SPTBN1: variants seen among roughly 807,000 people sequenced by gnomAD.
SPTBN1 encodes spectrin beta chain, non-erythrocytic 1.
In SPTBN1, 32 loss-of-function variants were observed where a neutral mutation model predicts 266.4. The ratio of observed to expected loss-of-function variants is 0.12; its 90% confidence interval spans 0.09 to 0.16. The LOEUF is 0.16. Among genes scored for constraint, SPTBN1 ranks in the 10% least tolerant of loss-of-function variants. The pLI is 1.00. For missense variants in SPTBN1, 2,296 were observed against 3,067.1 expected (o/e 0.75, Z 5.94); for synonymous variants, 1,336 against 1,162.2 (o/e 1.15, Z -3.04).
intron 2 of SPTBN1, among the ~76,000 whole-genome samples, chr2:54,577,086 G>T (rs1331978332): frequency 6.6e-6 from 1 of 152,064 alleles, no homozygotes; most frequent in African/African-American, 2.4e-5. Context: ...ATTTGTTAAT[G>T]CTTATTATTA....
Position 54,631,371 on chromosome 2 carries a change from G to C in SPTBN1, c.3324G>C (p.Lys1108Asn). Reference protein sequence around the residue: ...EKLLTQHENIKNEIDNYEEDY... With the variant: ...EKLLTQHENINNEIDNYEEDY... ...TGCTCACGCAGCACGAGAACATCAA[G>C]AACGAGATCGACAACTACGAGGAGG... The change falls in exon 16 of 36, where the codon AAG becomes AAC. Residue 1108 changes from lysine (K) to asparagine (N), a missense_variant. Lys to Asn is a moderately conservative substitution (Grantham distance 94). Around this residue, in one of 12 missense-constraint regions of SPTBN1, gnomAD observed 386 missense variants for 486.1 expected, o/e 0.79. Transcript: ENST00000356805. The C allele has an allele frequency of 1.2e-6, 2 of 1,614,220 alleles. No individual in the cohort carries two copies. Among genetic ancestry groups the C allele is most frequent in the African/African-American group, 1.3e-5 (1 of 75,054 alleles).
chr2:54,490,427 C>A (rs1668626640), intron 1 of SPTBN1, among the ~76,000 whole-genome samples: 1 of 152,076 alleles, frequency 6.6e-6, no homozygotes, highest in Non-Finnish European at 1.5e-5. Context: ...TTAAGGGATC[C>A]CCTCTGGTGG....
intron 35 of SPTBN1, 58 bp downstream of exon 35, chr2:54,667,704 A>C (rs1169647000): frequency 4.8e-6 from 7 of 1,473,442 alleles, no homozygotes; most frequent in Non-Finnish European, 6.6e-6. Flanking sequence ...TGTTTGTGTG[A>C]TGATGGGCTT....
chr2:54,647,040 C>T, intron 23 of SPTBN1, 91 bp from the exon 24 acceptor site: 2 of 1,590,648 alleles, frequency 1.3e-6, no homozygotes, highest in South Asian at 1.1e-5. Flanking sequence ...CTGATCCTTC[C>T]TCCTACCCTG....
At chr2:54,657,025 A>T (rs759727916) in intron 29 of SPTBN1, among the ~76,000 whole-genome samples, 3 of 152,222 alleles carry the variant, frequency 2.0e-5, no homozygotes, top group Non-Finnish European at 4.4e-5. Flanking sequence ...GCTCCTTGGG[A>T]CACCAACGCT....
intron 2 of SPTBN1, among the ~76,000 whole-genome samples, chr2:54,598,326 C>T (rs1021900244): frequency 1.3e-5 from 2 of 152,110 alleles, no homozygotes; most frequent in African/African-American, 4.8e-5. Context: ...TTTTCTTCTC[C>T]TTTTATAGAA....
intron 2 of SPTBN1, among the ~76,000 whole-genome samples, chr2:54,571,550 CACACACACACACACACACACACACAT>C (rs1455551870): frequency 1.8e-5 from 1 of 56,678 alleles, no homozygotes; most frequent in Non-Finnish European, 4.4e-5. Context: ...TGTATGTACA[CACACACACACACACACACACACACAT>C]ACACACACAC....
chr2:54,536,413 T>A (rs960352429), intron 2 of SPTBN1, among the ~76,000 whole-genome samples: 3 of 152,202 alleles, frequency 2.0e-5, no homozygotes, highest in Non-Finnish European at 2.9e-5. Flanking sequence ...ATTTTCTAAT[T>A]AGGAGAGAAA....
intron 1 of SPTBN1, among the ~76,000 whole-genome samples, chr2:54,458,296 TTA>T (rs1163106813): frequency 2.5e-4 from 38 of 152,228 alleles, no homozygotes; most frequent in African/African-American, 8.4e-4. Flanking sequence ...TAAAAGGAAT[TTA>T]TATGTTTTTT....
intron 2 of SPTBN1, among the ~76,000 whole-genome samples, chr2:54,532,711 A>G (rs1671330168): frequency 6.6e-6 from 1 of 152,234 alleles, no homozygotes; most frequent in African/African-American, 2.4e-5. Context: ...CCTTGGTATC[A>G]TGGAACATGC....
intron 2 of SPTBN1, among the ~76,000 whole-genome samples, chr2:54,567,255 A>C (rs1484504177): frequency 6.6e-6 from 1 of 152,184 alleles, no homozygotes; most frequent in African/African-American, 2.4e-5. Context: ...AGGATTCTAG[A>C]AGGATAATAA....
At chr2:54,624,136 C>G (rs1678172508) in intron 10 of SPTBN1, among the ~76,000 whole-genome samples, 1 of 152,164 alleles carries the variant, frequency 6.6e-6, no homozygotes, top group Non-Finnish European at 1.5e-5. Context: ...CTTTATGCTG[C>G]TCATTAAAAT....
intron 1 of SPTBN1, among the ~76,000 whole-genome samples, chr2:54,475,691 A>C (rs967136369): frequency 6.6e-6 from 1 of 152,204 alleles, no homozygotes; most frequent in Non-Finnish European, 1.5e-5. Context: ...ACTATTTTTT[A>C]AATTCATCAT....
intron 10 of SPTBN1, among the ~76,000 whole-genome samples, chr2:54,624,603 G>C (rs991595589): frequency 5.9e-5 from 9 of 152,180 alleles, no homozygotes; most frequent in African/African-American, 2.2e-4. Context: ...GATGACGGAA[G>C]AGTGTTCCCA....
At chr2:54,609,077 AG>A (rs891801880) in intron 3 of SPTBN1, among the ~76,000 whole-genome samples, 2 of 152,124 alleles carry the variant, frequency 1.3e-5, no homozygotes, top group South Asian at 2.1e-4. Context: ...AGGAGGTAGA[AG>A]GGGAGGCAGA....
chr2:54,522,748 A>C (rs929653734), intron 1 of SPTBN1, among the ~76,000 whole-genome samples: 1 of 151,958 alleles, frequency 6.6e-6, no homozygotes. Context: ...TGTGGAAAGC[A>C]GTTGTTGGTT....
At chr2:54,580,447 A>G (rs1012180256) in intron 2 of SPTBN1, among the ~76,000 whole-genome samples, 11 of 152,190 alleles carry the variant, frequency 7.2e-5, no homozygotes, top group Non-Finnish European at 1.0e-4. Flanking sequence ...GAGAATACAT[A>G]AAGAGCACAT....
chr2:54,485,923 C>T (rs1448146059), intron 1 of SPTBN1, among the ~76,000 whole-genome samples: 27 of 150,316 alleles, frequency 1.8e-4, no homozygotes, highest in Non-Finnish European at 3.1e-4. Flanking sequence ...CCGGCCGCCC[C>T]GTCTGAGAAG....
intron 3 of SPTBN1, among the ~76,000 whole-genome samples, chr2:54,610,638 A>G (rs944996336): frequency 6.6e-6 from 1 of 152,250 alleles, no homozygotes; most frequent in African/African-American, 2.4e-5. Context: ...CTGCTGGTGT[A>G]GCTTCAGGGA....
Sources: allele counts gnomAD v4.1 joint callset (sites outside exome capture counted in the v4.1 genomes callset), GRCh38; gene constraint gnomAD v4.1.1; regional missense constraint gnomAD v4.1.1; transcripts MANE v1.5; gene names NCBI Gene and HGNC (gene_info 2026-07-23, HGNC 2026-07-21).